The following ANK3 variants were observed in gnomAD, a reference collection of about 807,000 sequenced individuals.
ANK3 encodes the protein ankyrin-3.
In ANK3, 57 loss-of-function variants were observed where a neutral mutation model predicts 370.9. The ratio of observed to expected loss-of-function variants is 0.15; its 90% CI spans 0.12 to 0.19. ANK3 has a LOEUF of 0.19. Ranked by LOEUF, ANK3 falls within the 10% of genes least tolerant of loss-of-function variation. The probability of loss-of-function intolerance (pLI) is 1.00; values close to 1 mark genes in which losing one functional copy is unlikely to be tolerated. For missense variants in ANK3, 4,439 were observed against 5,302.1 expected (o/e 0.84, Z 5.06); for synonymous variants, 1,929 against 1,946.3 (o/e 0.99, Z 0.23).
chr10:60,083,746 T>C (rs2085896676), intron 32 of ANK3, 129 bp from the exon 33 acceptor site: 2 of 738,912 alleles, frequency 2.7e-6, no homozygotes, highest in South Asian at 2.1e-5. Flanking sequence ...CAGTTACTTC[T>C]GTGGTGCTAT....
In ANK3 at chr10:60,480,419, A is replaced by G. The variant is rs111244454; in HGVS notation, c.96+134767T>C. On this transcript the variant is annotated intron_variant, in intron 2 of 43. Coordinates refer to the ANK3 transcript ENST00000373827. ...ATGAATGAGATTACAAAGTAACCTAATTTGTGGCCCAGAGATCTGGGAACA... is the reference window on the plus strand; with the variant it reads ...ATGAATGAGATTACAAAGTAACCTAGTTTGTGGCCCAGAGATCTGGGAACA... Among the ~76,000 whole-genome samples, 1,041 of 152,320 alleles carry G rather than the reference A, an allele frequency of 6.8e-3. 15 individuals are homozygous for G. Among genetic ancestry groups the G allele is most frequent in the African/African-American group, 0.024 (985 of 41,566 alleles).
intron 2 of ANK3, among the ~76,000 whole-genome samples, chr10:60,436,764 C>T (rs1391616806): frequency 6.6e-6 from 1 of 152,224 alleles, no homozygotes; most frequent in African/African-American, 2.4e-5. Context: ...GTTGTCTTTT[C>T]ACTCTGATAA....
intron 2 of ANK3, among the ~76,000 whole-genome samples, chr10:60,474,453 T>G (rs987088483): frequency 6.6e-6 from 1 of 152,116 alleles, no homozygotes; most frequent in African/African-American, 2.4e-5. Context: ...TGCCTCCGCC[T>G]CTCTCTGAAA....
At chr10:60,658,448 A>G (rs542733304) in intron 1 of ANK3, among the ~76,000 whole-genome samples, 31 of 152,180 alleles carry the variant, frequency 2.0e-4, no homozygotes, top group African/African-American at 7.2e-4. Context: ...TATAGGAACC[A>G]TGTAATGGCA....
At position 60,500,255 on chromosome 10, in the gene ANK3, A is replaced by G. The variant is rs114193030; in HGVS notation, c.96+114931T>C. 4.0e-3 allele frequency among the ~76,000 whole-genome samples: 602 copies of G among 152,256 alleles called. 5 individuals are homozygous for G. The highest frequency in any genetic ancestry group is 0.014 in the African/African-American group (570 of 41,556). On this transcript the variant is annotated intron_variant, in intron 2 of 43. Transcript: ENST00000373827. The stretch of plus-strand genomic sequence containing the variant: ...CGGCCTTACTAACTAAATTTTCACT[A>G]TAAGAATTATTCATCTGGGCTTTGT...
At chr10:60,268,155 G>A (rs1392079403) in intron 5 of ANK3, among the ~76,000 whole-genome samples, 4 of 152,182 alleles carry the variant, frequency 2.6e-5, no homozygotes, top group African/African-American at 7.2e-5. Flanking sequence ...CTACCGGTGT[G>A]TGCCCTTGCA....
At chr10:60,672,699 T>C (rs1231589936) in intron 1 of ANK3, among the ~76,000 whole-genome samples, 2 of 152,326 alleles carry the variant, frequency 1.3e-5, no homozygotes, top group East Asian at 3.9e-4. Flanking sequence ...AGTAAATTAA[T>C]CAAACCCAAG....
At position 60,134,363 on chromosome 10, in the gene ANK3, AG is replaced by A; in HGVS notation, c.2748del (p.Phe917SerfsTer9). The A allele has an allele frequency of 6.2e-7, 1 of 1,613,110 alleles. No homozygotes were observed. Among genetic ancestry groups the A allele is most frequent in the Non-Finnish European group, 8.5e-7 (1 of 1,179,584 alleles). ...SLGARSASLR[S>X]FSSDRSYTLN... ...AAGGTGTAAGACCTATCCGAACTGA[AG>A]GAGCGGAGGCTGTTGTATTTACAGT... On this transcript the variant is annotated frameshift_variant, in exon 25 of 44. Coordinates refer to ENST00000280772, the MANE Select transcript of ANK3 (RefSeq NM_020987.5). LOFTEE classifies it high-confidence loss of function.
intron 25 of ANK3, among the ~76,000 whole-genome samples, chr10:60,120,293 G>A (rs552232308): frequency 3.3e-5 from 5 of 152,042 alleles, no homozygotes; most frequent in South Asian, 2.1e-4. Context: ...CCTATCTCTC[G>A]CCATATACAA....
In ANK3 at chr10:60,696,215, C is replaced by A. The variant is rs559295338; in HGVS notation, c.57+37048G>T. 2.1e-4 allele frequency among the ~76,000 whole-genome samples: 31 copies of A among 150,300 alleles called. No homozygotes were observed. In the East Asian group the frequency reaches 4.1e-3, roughly 20 times the overall value. ...AGACTAAACCAGGAAGAAGTTGAAT[C>A]TCTGAATAGACCAATAACGGGCTCT... On this transcript the variant is annotated intron_variant, in intron 1 of 43. Coordinates refer to the ANK3 transcript ENST00000373827.
chr10:60,258,564 A>T (rs1401926867), intron 7 of ANK3, among the ~76,000 whole-genome samples: 1 of 152,204 alleles, frequency 6.6e-6, no homozygotes, highest in Non-Finnish European at 1.5e-5. Flanking sequence ...TACAGAAAGC[A>T]ATTCCTTCTA....
At chr10:60,313,928 G>GTTTTTTT (rs760802914) in intron 1 of ANK3, among the ~76,000 whole-genome samples, 11 of 132,094 alleles carry the variant, frequency 8.3e-5, no homozygotes, top group African/African-American at 1.1e-4. Flanking sequence ...TTTTGTTTTT[G>GTTTTTTT]TTTTTTTTTT....
intron 2 of ANK3, among the ~76,000 whole-genome samples, chr10:60,459,812 C>T (rs906687697): frequency 1.3e-5 from 2 of 152,148 alleles, no homozygotes; most frequent in Admixed American, 6.6e-5. Context: ...TACACACACT[C>T]TCCTAGACAT....
At chr10:60,089,514 T>C (rs1178066521) in intron 28 of ANK3, among the ~76,000 whole-genome samples, 1 of 150,170 alleles carries the variant, frequency 6.7e-6, no homozygotes, top group Non-Finnish European at 1.5e-5. Context: ...TGTGTATGTA[T>C]GTGTGTTTCA....
chr10:60,333,382 G>A (rs1400112562), intron 1 of ANK3, among the ~76,000 whole-genome samples: 1 of 151,674 alleles, frequency 6.6e-6, no homozygotes, highest in African/African-American at 2.4e-5. Context: ...TCCCACTTAT[G>A]AGTGAGAACA....
intron 17 of ANK3, among the ~76,000 whole-genome samples, chr10:60,182,079 CTT>C (rs200772662): frequency 2.8e-5 from 4 of 143,990 alleles, no homozygotes; most frequent in African/African-American, 2.5e-5. Flanking sequence ...AAAAATTAGA[CTT>C]TTTTTTTTTT....
chr10:60,114,540 C>A (rs2092950099), intron 25 of ANK3, among the ~76,000 whole-genome samples: 1 of 152,126 alleles, frequency 6.6e-6, no homozygotes, highest in South Asian at 2.1e-4. Flanking sequence ...TTATTTCAAT[C>A]TTTTAAGAAA....
At chr10:60,337,537 G>A (rs997389911) in intron 1 of ANK3, among the ~76,000 whole-genome samples, 5 of 151,966 alleles carry the variant, frequency 3.3e-5, no homozygotes, top group Non-Finnish European at 7.4e-5. Flanking sequence ...TAAATTCCAT[G>A]TCTCCTCTTT....
At chr10:60,423,152 C>A (rs2063812451) in intron 2 of ANK3, among the ~76,000 whole-genome samples, 1 of 152,046 alleles carries the variant, frequency 6.6e-6, no homozygotes, top group South Asian at 2.1e-4. Flanking sequence ...GAAAACCAAT[C>A]TAGTGAAATT....
Sources: gnomAD v4.1 joint callset for allele counts (sites outside exome capture counted in the v4.1 genomes callset) on GRCh38, gnomAD v4.1.1 for gene constraint, MANE v1.5 for transcripts, NCBI Gene and HGNC (gene_info 2026-07-23, HGNC 2026-07-21) for gene names.